Variants in LMBRD1 observed in about 807,000 individuals in gnomAD.
LMBRD1 encodes the protein LMBR1 domain containing 1.
In LMBRD1, 64 loss-of-function variants were observed where a neutral mutation model predicts 74.8. The ratio of observed to expected loss-of-function variants is 0.86; its 90% CI spans 0.70 to 1.05. The LOEUF is 1.05. Among genes scored for constraint, LMBRD1 ranks in the 50% least tolerant of loss-of-function variants. The probability of loss-of-function intolerance (pLI) is 0.00; values close to 1 mark genes in which losing one functional copy is unlikely to be tolerated. For synonymous variants in LMBRD1, 204 were observed against 216.3 expected, an observed-to-expected ratio of 0.94 and a Z score of 0.50; for missense variants, 652 against 645.9, an observed-to-expected ratio of 1.01 and a Z score of -0.10.
chr6:69,676,609 C>A, intron 14 of LMBRD1, 68 bp from the exon 15 acceptor site: 1 of 1,218,050 alleles, frequency 8.2e-7, no homozygotes, highest in Admixed American at 1.8e-5. Context: ...AATACTTTCT[C>A]TAAAAGATTA....
intron 3 of LMBRD1, among the ~76,000 whole-genome samples, chr6:69,773,739 A>T: frequency 6.6e-6 from 1 of 152,228 alleles, no homozygotes; most frequent in African/African-American, 2.4e-5. Context: ...ATGCAGTAAA[A>T]ATCTTTTAAA....
rs116709703 is a variant in LMBRD1 at position 69,685,167 on chromosome 6, G to A, written c.1418-8626C>T. On this transcript the variant is annotated intron_variant, in intron 14 of 15. Coordinates refer to ENST00000649934, the MANE Select transcript of LMBRD1 (RefSeq NM_018368.4). ...GTTTGGAGATTGAAAAAAGAAGGTT[G>A]AGTTAGAAATTAACCTTGTAAGAAG... 3.5e-3 allele frequency among the ~76,000 whole-genome samples: 532 copies of A among 152,228 alleles called. 1 individual carries two copies. The highest frequency in any genetic ancestry group is 0.012 in the African/African-American group (514 of 41,552).
chr6:69,679,071 C>CAA (rs34563596), intron 14 of LMBRD1, among the ~76,000 whole-genome samples: 6 of 149,274 alleles, frequency 4.0e-5, no homozygotes, highest in South Asian at 2.1e-4. Flanking sequence ...AACAAACAAA[C>CAA]AAAAAAAATC....
In LMBRD1 at chr6:69,741,895, AT is replaced by A; in HGVS notation, c.474-19del. 7.4e-7 allele frequency: 1 copy of A among 1,354,082 alleles called. No homozygotes were observed. The highest frequency in any genetic ancestry group is 2.3e-5 in the East Asian group (1 of 43,588). The allele number at this position is 1,354,082 out of a possible 1,614,324, so 83.9% of individuals were successfully genotyped here. The stretch of plus-strand genomic sequence containing the variant: ...CAAAGGCACTACAAAAGAGAAAATA[AT>A]TGTTTTAATAGCTTTAAAGATAAAA... On this transcript the variant is annotated intron_variant, in intron 5 of 15. Transcript: ENST00000649934.
chr6:69,768,629 A>C (rs1389718314), intron 3 of LMBRD1, among the ~76,000 whole-genome samples: 1 of 152,030 alleles, frequency 6.6e-6, no homozygotes, highest in East Asian at 1.9e-4. Flanking sequence ...AGGAGAAAAA[A>C]TATAGTGCCT....
intron 7 of LMBRD1, among the ~76,000 whole-genome samples, chr6:69,734,239 T>A (rs1431013676): frequency 6.6e-6 from 1 of 152,184 alleles, no homozygotes; most frequent in Non-Finnish European, 1.5e-5. Flanking sequence ...AACTCTTCTA[T>A]GTGTTCCTGG....
intron 6 of LMBRD1, among the ~76,000 whole-genome samples, chr6:69,741,041 C>T (rs1380382977): frequency 6.6e-6 from 1 of 151,944 alleles, no homozygotes; most frequent in African/African-American, 2.4e-5. Context: ...TATAAAACCT[C>T]TAATTTACAT....
At chr6:69,731,645 A>G (rs962520996) in intron 7 of LMBRD1, among the ~76,000 whole-genome samples, 16 of 152,128 alleles carry the variant, frequency 1.1e-4, no homozygotes, top group African/African-American at 3.4e-4. Context: ...AAGCTAATGT[A>G]AGTGTTCTGA....
chr6:69,681,388 T>C (rs1765657235), intron 14 of LMBRD1, among the ~76,000 whole-genome samples: 1 of 152,006 alleles, frequency 6.6e-6, no homozygotes. Flanking sequence ...ATCTGATAAA[T>C]TTTATATTAT....
intron 7 of LMBRD1, among the ~76,000 whole-genome samples, chr6:69,736,247 T>G (rs1046902932): frequency 6.6e-6 from 1 of 152,152 alleles, no homozygotes; most frequent in Non-Finnish European, 1.5e-5. Context: ...TCAAAGATCT[T>G]TGTATAGCAA....
intron 5 of LMBRD1, among the ~76,000 whole-genome samples, chr6:69,743,346 G>A (rs773278356): frequency 6.6e-6 from 1 of 152,068 alleles, no homozygotes; most frequent in Non-Finnish European, 1.5e-5. Context: ...GGTTTAATAC[G>A]CAATATTCTA....
chr6:69,712,063 T>C (rs1295944950), intron 9 of LMBRD1, among the ~76,000 whole-genome samples: 2 of 152,096 alleles, frequency 1.3e-5, no homozygotes, highest in Non-Finnish European at 2.9e-5. Context: ...TCTTTTAAAA[T>C]TTAGCACAAA....
chr6:69,781,744 T>C (rs887177503), intron 2 of LMBRD1, among the ~76,000 whole-genome samples: 1 of 152,012 alleles, frequency 6.6e-6, no homozygotes, highest in East Asian at 1.9e-4. Flanking sequence ...AAAAAATAAA[T>C]CACAGGATAT....
chr6:69,737,374 C>T (rs186783384), intron 7 of LMBRD1, among the ~76,000 whole-genome samples: 1 of 151,976 alleles, frequency 6.6e-6, no homozygotes, highest in East Asian at 1.9e-4. Context: ...TCACACCTTA[C>T]CACTTCCAGG....
rs75550594 is a variant in LMBRD1 at position 69,788,009 on chromosome 6, G to A, written c.246+2287C>T. On this transcript the variant is annotated intron_variant, in intron 2 of 15. Coordinates refer to ENST00000649934, the MANE Select transcript of LMBRD1 (RefSeq NM_018368.4). ...ATGCAATCTCATAGATTTAAATATC[G>A]AAAACAAAGAAACAAAACAAACCTA... Among the ~76,000 whole-genome samples the A allele has an allele frequency of 4.0e-3, 607 of 152,028 alleles. 21 individuals are homozygous for A. The East Asian group carries it at 0.095, about 24-fold the overall frequency.
chr6:69,732,643 T>C (rs1234009373), intron 7 of LMBRD1, among the ~76,000 whole-genome samples: 1 of 152,198 alleles, frequency 6.6e-6, no homozygotes, highest in Non-Finnish European at 1.5e-5. Context: ...GTTTATATTT[T>C]ACATTAAATG....
At position 69,719,077 on chromosome 6, in the gene LMBRD1, T is replaced by C. The variant is rs910691626; in HGVS notation, c.641A>G (p.Tyr214Cys). ...GMLAAITYTA[Y>C]GMSALPLNLI... ...ATTTAAAGGTAACGCAGACATGCCA[T>C]AGGCCTAAAAGAAAAACAATTGAAA... Residue 214 changes from tyrosine to cysteine, a missense_variant, in exon 8 of 16, where the codon TAT (tyrosine) becomes TGT (cysteine). By Grantham distance (194) the Tyr-to-Cys change is radical (BLOSUM62 -2). Transcript: ENST00000649934. 2 of 1,612,568 alleles carry C rather than the reference T, an allele frequency of 1.2e-6. No individual in the cohort carries two copies. The highest frequency in any genetic ancestry group is 1.7e-6 in the Non-Finnish European group (2 of 1,179,010).
chr6:69,713,498 A>G, intron 9 of LMBRD1, 147 bp downstream of exon 9: 1 of 737,858 alleles, frequency 1.4e-6, no homozygotes, highest in Non-Finnish European at 2.2e-6. Context: ...ACTACCAAAG[A>G]GAGCTGTGAT....
At chr6:69,785,292 G>A (rs543024445) in intron 2 of LMBRD1, among the ~76,000 whole-genome samples, 2 of 152,194 alleles carry the variant, frequency 1.3e-5, no homozygotes, top group African/African-American at 2.4e-5. Context: ...CAGTGTCAAG[G>A]CTTCTCTGAC....
Sources: allele counts gnomAD v4.1 joint callset (sites outside exome capture counted in the v4.1 genomes callset), GRCh38; gene constraint gnomAD v4.1.1; transcripts MANE v1.5; gene names NCBI Gene and HGNC (gene_info 2026-07-23, HGNC 2026-07-21).